The following BARD1 variants were observed in gnomAD, a reference collection of about 807,000 sequenced individuals.
BARD1 encodes the protein BRCA1 associated RING domain 1.
In BARD1, 73 loss-of-function variants were observed where a neutral mutation model predicts 77.0. The observed-to-expected ratio is 0.95, with a 90% CI of 0.79 to 1.15. The LOEUF (loss-of-function observed/expected upper bound fraction) is 1.15, where lower values mean the gene tolerates loss of function less well. Among genes scored for constraint, BARD1 ranks in the 50% most tolerant of loss-of-function variants. BARD1 has a pLI of 0.00. For missense variants in BARD1, 993 were observed against 938.8 expected, an observed-to-expected ratio of 1.06 and a Z score of -0.75; for synonymous variants, 384 against 338.0, an observed-to-expected ratio of 1.14 and a Z score of -1.49.
chr2:214,736,169 G>A (rs950933829), intron 9 of BARD1, among the ~76,000 whole-genome samples: 2 of 151,718 alleles, frequency 1.3e-5, no homozygotes, highest in African/African-American at 2.4e-5. Context: ...TTCTAATAAA[G>A]GTAATATAAA....
rs1553628412 is a variant in BARD1, at chr2:214,809,471, G to A, written c.99C>T (p.Ala33=). ...CGAGCGCGGCGCGACTGTGGGCCCAGGCACCGCGACCATCCGGTTCCATGG... is the reference window on the plus strand; with the variant it reads ...CGAGCGCGGCGCGACTGTGGGCCCAAGCACCGCGACCATCCGGTTCCATGG... ...APAMEPDGRG[A]WAHSRAALDR... Residue 33 remains alanine, a synonymous_variant, in exon 1 of 11, where the codon GCC becomes GCT. Transcript: ENST00000260947. 6.2e-7 allele frequency: 1 copy of A among 1,610,604 alleles called. No homozygotes were observed. Among genetic ancestry groups the A allele is most frequent in the Non-Finnish European group, 8.5e-7 (1 of 1,179,378 alleles).
rs1228725989 is a variant in BARD1, at chr2:214,773,125, T to C, written c.1315-3813A>G. Among the ~76,000 whole-genome samples the C allele has an allele frequency of 3.9e-5, 6 of 152,320 alleles. No homozygotes were observed. The East Asian group carries it at 1.2e-3, about 29-fold the overall frequency. On this transcript the variant is annotated intron_variant, in intron 4 of 10. Transcript: ENST00000260947. ...AATCAAAGGAAAGATCCTTCACACATTTGTACATACTGCAGATCCACACAT... is the reference window on the plus strand; with the variant it reads ...AATCAAAGGAAAGATCCTTCACACACTTGTACATACTGCAGATCCACACAT...
intron 4 of BARD1, among the ~76,000 whole-genome samples, chr2:214,773,313 T>A (rs1024360825): frequency 2.6e-5 from 4 of 152,330 alleles, no homozygotes; most frequent in Admixed American, 2.6e-4. Context: ...CCTAGCATGG[T>A]TAAGCCTTTC....
chr2:214,747,471 G>A (rs1239171650), intron 7 of BARD1, among the ~76,000 whole-genome samples: 2 of 150,566 alleles, frequency 1.3e-5, no homozygotes, highest in South Asian at 4.2e-4. Flanking sequence ...GTCCAACAAC[G>A]ATAGACTGGA....
chr2:214,730,153 A>G (rs181594107), intron 10 of BARD1: 9 of 490,440 alleles, frequency 1.8e-5, no homozygotes, highest in Non-Finnish European at 1.9e-5. Flanking sequence ...TACTTCCTGT[A>G]TCTGAGATTT....
chr2:214,784,997 C>A (rs1695206126), intron 3 of BARD1, among the ~76,000 whole-genome samples: 1 of 148,034 alleles, frequency 6.8e-6, no homozygotes, highest in Admixed American at 6.9e-5. Flanking sequence ...GCATGTTCTG[C>A]ACATGTATCC....
intron 9 of BARD1, among the ~76,000 whole-genome samples, chr2:214,738,117 G>T (rs1455372835): frequency 6.6e-6 from 1 of 152,076 alleles, no homozygotes; most frequent in African/African-American, 2.4e-5. Context: ...CTTATAAAAT[G>T]TATGCTTTAT....
intron 1 of BARD1, among the ~76,000 whole-genome samples, chr2:214,799,577 C>A (rs545457042): frequency 1.3e-5 from 2 of 152,254 alleles, no homozygotes; most frequent in African/African-American, 4.8e-5. Context: ...TTTAGTCACT[C>A]TTCCTAAAAT....
intron 3 of BARD1, among the ~76,000 whole-genome samples, chr2:214,787,266 G>T (rs1167338970): frequency 6.6e-6 from 1 of 151,766 alleles, no homozygotes; most frequent in Middle Eastern, 3.4e-3. Flanking sequence ...TCATACTCAG[G>T]TGTACATATT....
intron 1 of BARD1, among the ~76,000 whole-genome samples, chr2:214,802,249 T>C (rs948347761): frequency 6.6e-6 from 1 of 152,200 alleles, no homozygotes; most frequent in Non-Finnish European, 1.5e-5. Flanking sequence ...ATTCTGTTTT[T>C]CACTTTTAGT....
At chr2:214,801,205 A>G (rs925601129) in intron 1 of BARD1, among the ~76,000 whole-genome samples, 6 of 151,824 alleles carry the variant, frequency 4.0e-5, no homozygotes, top group African/African-American at 1.5e-4. Flanking sequence ...GTATCACTCC[A>G]GCACTGCTTG....
At chr2:214,806,878 A>AAAAAAG (rs1696301058) in intron 1 of BARD1, among the ~76,000 whole-genome samples, 1 of 150,642 alleles carries the variant, frequency 6.6e-6, no homozygotes, top group African/African-American at 2.4e-5. Flanking sequence ...TGCCTAGGGA[A>AAAAAAG]AAAAAAAAAA....
intron 1 of BARD1, among the ~76,000 whole-genome samples, chr2:214,806,471 G>A (rs1036661934): frequency 2.0e-5 from 3 of 152,202 alleles, no homozygotes; most frequent in African/African-American, 7.2e-5. Flanking sequence ...TAGGAACAAT[G>A]CTTTTCCTCC....
At chr2:214,741,384 A>G (rs1574728808) in intron 9 of BARD1, among the ~76,000 whole-genome samples, 1 of 152,304 alleles carries the variant, frequency 6.6e-6, no homozygotes, top group East Asian at 1.9e-4. Flanking sequence ...GATACAAAAA[A>G]ATTTTGAAAG....
Position 214,796,933 on chromosome 2 carries a change from C to T in BARD1, c.215+128G>A, listed in dbSNP as rs777164682. 633 of 795,026 alleles carry T rather than the reference C, an allele frequency of 8.0e-4. 1 individual carries two copies. Among genetic ancestry groups the T allele is most frequent in the Non-Finnish European group, 1.2e-3 (527 of 447,634 alleles). 49.2% of individuals were successfully genotyped at this position (795,026 alleles called of 1,614,324 possible). On this transcript the variant is annotated intron_variant, in intron 2 of 10. Transcript: ENST00000260947. ...TTAAAGATCAAACTAAGATAATGTACAATAGGTTACTTTGCAGACTTTGAA... is the reference window on the plus strand; with the variant it reads ...TTAAAGATCAAACTAAGATAATGTATAATAGGTTACTTTGCAGACTTTGAA...
chr2:214,789,988 C>T (rs971363905), intron 3 of BARD1, among the ~76,000 whole-genome samples: 8 of 152,132 alleles, frequency 5.3e-5, no homozygotes, highest in African/African-American at 1.2e-4. Flanking sequence ...AGAAAGACCG[C>T]ATTCTTAAAG....
At chr2:214,803,727 C>T (rs527762745) in intron 1 of BARD1, among the ~76,000 whole-genome samples, 3 of 152,252 alleles carry the variant, frequency 2.0e-5, no homozygotes, top group Non-Finnish European at 4.4e-5. Flanking sequence ...ATATGCTGAA[C>T]GCTGGTTCCC....
chr2:214,728,573 T>G lies in BARD1; in HGVS notation c.*103A>C. Reference sequence around the variant, plus strand: ...TTTTTGATTCAAAGACAAATATGAATGACTCTACCTATTTGTAAAAATGTG... The same window carrying G: ...TTTTTGATTCAAAGACAAATATGAAGGACTCTACCTATTTGTAAAAATGTG... On this transcript the variant is annotated 3_prime_UTR_variant, in exon 11 of 11. Coordinates refer to ENST00000260947, the MANE Select transcript of BARD1 (RefSeq NM_000465.4). The G allele has an allele frequency of 1.0e-6, 1 of 993,952 alleles. No individual in the cohort carries two copies. The highest frequency in any genetic ancestry group is 1.6e-5 in the South Asian group (1 of 62,936). The allele number at this position is 993,952 out of a possible 1,614,324, so 61.6% of individuals were successfully genotyped here. A position where few individuals can be genotyped will look rare whatever the true frequency, so the allele number is the denominator to read the frequency against.
chr2:214,796,855 CA>C (rs1695775691), intron 2 of BARD1: 1 of 572,446 alleles, frequency 1.7e-6, no homozygotes. Flanking sequence ...GTAACTTGGA[CA>C]AGTCATCCTC....
Sources: allele counts gnomAD v4.1 joint callset (sites outside exome capture counted in the v4.1 genomes callset), GRCh38; gene constraint gnomAD v4.1.1; transcripts MANE v1.5; gene names NCBI Gene and HGNC (gene_info 2026-07-23, HGNC 2026-07-21).